Variants in AGBL4 observed in about 807,000 individuals in gnomAD.
AGBL4 encodes AGBL carboxypeptidase 4.
Under a neutral mutation model 66.4 loss-of-function variants are expected in AGBL4, and 58 were observed. That is an observed-to-expected ratio of 0.87 (90% CI 0.71 to 1.09). AGBL4 has a LOEUF of 1.09. Among genes scored for constraint, AGBL4 ranks in the 50% least tolerant of loss-of-function variants. The probability of loss-of-function intolerance (pLI) is 0.00; values close to 1 mark genes in which losing one functional copy is unlikely to be tolerated. For synonymous variants in AGBL4, 234 were observed against 222.9 expected, an observed-to-expected ratio of 1.05 and a Z score of -0.44; for missense variants, 579 against 631.0, an observed-to-expected ratio of 0.92 and a Z score of 0.88.
intron 6 of AGBL4, among the ~76,000 whole-genome samples, chr1:48,734,211 G>C (rs1368494867): frequency 6.6e-6 from 1 of 152,192 alleles, no homozygotes; most frequent in Non-Finnish European, 1.5e-5. Context: ...CCAGGCAAGG[G>C]AGGCAGCTAT....
chr1:49,692,717 C>CAAA (rs1205355419), intron 3 of AGBL4, among the ~76,000 whole-genome samples: 1 of 82,476 alleles, frequency 1.2e-5, no homozygotes, highest in Non-Finnish European at 2.5e-5. Flanking sequence ...GACTCTGTCT[C>CAAA]AAAAAAAAAA....
At chr1:48,562,836 A>T (rs1644415896) in intron 11 of AGBL4, among the ~76,000 whole-genome samples, 2 of 152,212 alleles carry the variant, frequency 1.3e-5, no homozygotes, top group Admixed American at 1.3e-4. Context: ...TCATGCAATA[A>T]TTTGTGTAAA....
At chr1:48,626,734 C>CA (rs1257595869) in intron 9 of AGBL4, among the ~76,000 whole-genome samples, 2 of 152,200 alleles carry the variant, frequency 1.3e-5, no homozygotes, top group Middle Eastern at 3.2e-3. Flanking sequence ...CATTTACTGC[C>CA]ACACAGTTTC....
intron 3 of AGBL4, among the ~76,000 whole-genome samples, chr1:49,298,159 G>A (rs768080406): frequency 2.6e-5 from 4 of 152,258 alleles, no homozygotes; most frequent in Middle Eastern, 3.4e-3. Context: ...AGAAGAAGTC[G>A]ACCCAGGCCA....
At chr1:48,660,776 T>C (rs1464169771) in intron 7 of AGBL4, among the ~76,000 whole-genome samples, 1 of 152,186 alleles carries the variant, frequency 6.6e-6, no homozygotes, top group Non-Finnish European at 1.5e-5. Flanking sequence ...TAAGCCATTG[T>C]GCTTCCCTGA....
chr1:49,609,598 A>AT (rs1482968123), intron 3 of AGBL4, among the ~76,000 whole-genome samples: 1 of 152,056 alleles, frequency 6.6e-6, no homozygotes, highest in Non-Finnish European at 1.5e-5. Context: ...ATCTTAAGTA[A>AT]TTTTTTTAAC....
intron 8 of AGBL4, among the ~76,000 whole-genome samples, chr1:48,635,416 A>G (rs745831898): frequency 4.6e-5 from 7 of 152,206 alleles, no homozygotes; most frequent in Admixed American, 3.3e-4. Context: ...GAACCAGAGA[A>G]TAATGTGGAA....
At chr1:49,667,435 C>A (rs1458744830) in intron 3 of AGBL4, among the ~76,000 whole-genome samples, 2 of 151,492 alleles carry the variant, frequency 1.3e-5, no homozygotes, top group African/African-American at 2.4e-5. Context: ...TCTAGCCTGG[C>A]CAACAAAATG....
At chr1:49,785,818 A>C (rs1315083561) in intron 2 of AGBL4, among the ~76,000 whole-genome samples, 4 of 151,122 alleles carry the variant, frequency 2.6e-5, no homozygotes, top group Admixed American at 6.6e-5. Context: ...GAGCGTTGTC[A>C]TTACATACCT....
chr1:49,222,427 TAAAG>T (rs1649571381), intron 4 of AGBL4, among the ~76,000 whole-genome samples: 1 of 152,120 alleles, frequency 6.6e-6, no homozygotes, highest in Non-Finnish European at 1.5e-5. Flanking sequence ...ATAACAAAAA[TAAAG>T]ACTTATTCTG....
chr1:49,587,020 G>C (rs1018139006), intron 3 of AGBL4, among the ~76,000 whole-genome samples: 2 of 151,932 alleles, frequency 1.3e-5, no homozygotes, highest in African/African-American at 2.4e-5. Flanking sequence ...ACTTTGAGTG[G>C]ATCACCTGAG....
chr1:48,559,414 C>T lies in AGBL4; in HGVS notation c.1268-19676G>A, dbSNP rs1644365131. ...TCAACCAGACAATAAGAAGAGGATA[C>T]AGGATGAGCATGCTCTCTCATCAGC... is the stretch of plus-strand genomic sequence containing the variant. On this transcript the variant is annotated intron_variant, in intron 11 of 13. Coordinates refer to ENST00000371839, the MANE Select transcript of AGBL4 (RefSeq NM_032785.4). Among the ~76,000 whole-genome samples, 7 of 152,104 alleles carry T rather than the reference C, an allele frequency of 4.6e-5. 1 individual carries two copies. The South Asian group carries it at 1.5e-3, about 32-fold the overall frequency.
At chr1:49,219,400 T>C (rs1399069392) in intron 4 of AGBL4, among the ~76,000 whole-genome samples, 25 of 152,180 alleles carry the variant, frequency 1.6e-4, no homozygotes, top group Non-Finnish European at 2.9e-5. Flanking sequence ...CAATTATCAG[T>C]CTTTTCTTTT....
intron 4 of AGBL4, among the ~76,000 whole-genome samples, chr1:49,143,751 T>C (rs1052440433): frequency 2.6e-5 from 4 of 152,206 alleles, no homozygotes; most frequent in African/African-American, 4.8e-5. Flanking sequence ...CATTAAAGCA[T>C]GGAGAACAAA....
chr1:49,834,432 C>T (rs1221076609), intron 2 of AGBL4, among the ~76,000 whole-genome samples: 1 of 152,064 alleles, frequency 6.6e-6, no homozygotes, highest in Admixed American at 6.6e-5. Flanking sequence ...GGTGATATCC[C>T]CTTTATCATT....
intron 3 of AGBL4, among the ~76,000 whole-genome samples, chr1:49,283,609 T>C (rs1262258096): frequency 4.6e-5 from 7 of 151,948 alleles, no homozygotes; most frequent in African/African-American, 1.7e-4. Flanking sequence ...GCAAATAAGT[T>C]GAAAACTTTG....
chr1:48,846,417 G>GAAAT (rs912552571), intron 6 of AGBL4, among the ~76,000 whole-genome samples: 3,157 of 142,202 alleles, frequency 0.022, 68 homozygotes, highest in Non-Finnish European at 0.033. Context: ...AAGAAAGAAA[G>GAAAT]AAAGAAATTC....
At chr1:49,373,491 G>A (rs1362529665) in intron 3 of AGBL4, among the ~76,000 whole-genome samples, 2 of 151,992 alleles carry the variant, frequency 1.3e-5, no homozygotes, top group Non-Finnish European at 2.9e-5. Flanking sequence ...CATAATATTG[G>A]AACTGAGAAA....
intron 11 of AGBL4, among the ~76,000 whole-genome samples, chr1:48,551,201 C>T (rs1464712147): frequency 2.0e-5 from 3 of 152,128 alleles, no homozygotes; most frequent in Non-Finnish European, 4.4e-5. Context: ...CACTGTATTC[C>T]GTTGTGCATG....
Sources: gnomAD v4.1 joint callset for allele counts (sites outside exome capture counted in the v4.1 genomes callset) on GRCh38, gnomAD v4.1.1 for gene constraint, MANE v1.5 for transcripts, NCBI Gene and HGNC (gene_info 2026-07-23, HGNC 2026-07-21) for gene names.